Variants in PPP2R5A observed in about 807,000 individuals in gnomAD.
The protein encoded by PPP2R5A is protein phosphatase 2 regulatory subunit B'alpha, also known as serine/threonine-protein phosphatase 2A 56 kDa regulatory subunit alpha isoform.
In PPP2R5A, 25 loss-of-function variants were observed where a neutral mutation model predicts 64.2. That is an observed-to-expected ratio of 0.39 (90% CI 0.28 to 0.54). PPP2R5A has a LOEUF of 0.54. Ranked by LOEUF, PPP2R5A falls within the 20% of genes least tolerant of loss-of-function variation. PPP2R5A has a pLI of 0.67. For missense variants in PPP2R5A, 425 were observed against 576.3 expected, an observed-to-expected ratio of 0.74 and a Z score of 2.69; for synonymous variants, 198 against 201.2, an observed-to-expected ratio of 0.98 and a Z score of 0.13.
rs865848787 is a variant in PPP2R5A, at chr1:212,349,043, A to C, written c.874-146A>C. ...AGTTTCACGATTGAGGTATTTCACA[A>C]TTTCATTCACAGTTGTGAGTATATT... On this transcript the variant is annotated intron_variant, in intron 7 of 12. Transcript: ENST00000261461. The C allele has an allele frequency of 7.9e-5, 36 of 457,448 alleles. No individual in the cohort carries two copies. In the South Asian group the frequency reaches 1.5e-3, roughly 20 times the overall value. The allele number at this position is 457,448 out of a possible 1,614,324, so 28.3% of individuals were successfully genotyped here. A position where few individuals can be genotyped will look rare whatever the true frequency, so the allele number is the denominator to read the frequency against.
At chr1:212,358,457 T>A (rs1399482029) in intron 11 of PPP2R5A, 1 of 288,594 alleles carries the variant, frequency 3.5e-6, no homozygotes, top group Non-Finnish European at 6.4e-6. Flanking sequence ...AACTAGAGTT[T>A]AATGTAAGCA....
chr1:212,299,711 A>G (rs1351133040), intron 1 of PPP2R5A: 1 of 152,244 alleles, frequency 6.6e-6, no homozygotes, highest in Non-Finnish European at 1.5e-5. Context: ...CCAGTGAATG[A>G]ACCAACCTAA....
At chr1:212,335,886 T>C (rs1171555123) in intron 3 of PPP2R5A, among the ~76,000 whole-genome samples, 1 of 152,176 alleles carries the variant, frequency 6.6e-6, no homozygotes, top group South Asian at 2.1e-4. Flanking sequence ...TTGAACAGTC[T>C]GAAAAAGACC....
intron 8 of PPP2R5A, among the ~76,000 whole-genome samples, chr1:212,351,624 T>C (rs894802870): frequency 6.6e-6 from 1 of 151,910 alleles, no homozygotes; most frequent in Admixed American, 6.6e-5. Context: ...TGAGGCAGAA[T>C]TGCTTGAGGC....
chr1:212,320,815 A>T (rs1467680487), intron 1 of PPP2R5A, among the ~76,000 whole-genome samples: 1 of 105,730 alleles, frequency 9.5e-6, no homozygotes, highest in African/African-American at 3.4e-5. Flanking sequence ...CGGGGGGCTG[A>T]CCCCCCCACC....
chr1:212,300,255 A>C (rs576864043), intron 1 of PPP2R5A, among the ~76,000 whole-genome samples: 3 of 152,258 alleles, frequency 2.0e-5, no homozygotes, highest in African/African-American at 7.2e-5. Context: ...GATACTCTCT[A>C]TATATTTTTA....
intron 1 of PPP2R5A, among the ~76,000 whole-genome samples, chr1:212,287,533 G>C (rs1348756210): frequency 6.6e-6 from 1 of 152,150 alleles, no homozygotes; most frequent in African/African-American, 2.4e-5. Context: ...CTGACTCTTG[G>C]AGTGCTTCTA....
intron 1 of PPP2R5A, among the ~76,000 whole-genome samples, chr1:212,321,195 AC>A (rs1263943814): frequency 2.2e-5 from 3 of 136,160 alleles, no homozygotes; most frequent in African/African-American, 5.7e-5. Context: ...CGGGGGGCTG[AC>A]CCCCCCACAT....
intron 4 of PPP2R5A, among the ~76,000 whole-genome samples, chr1:212,342,955 CT>C (rs148263039): frequency 4.7e-5 from 7 of 148,770 alleles, no homozygotes; most frequent in African/African-American, 7.4e-5. Context: ...TTAAAGGCCT[CT>C]TTTTTTTTTG....
chr1:212,347,583 A>G (rs1459957363), intron 6 of PPP2R5A, among the ~76,000 whole-genome samples, 177 bp downstream of exon 6: 1 of 150,236 alleles, frequency 6.7e-6, no homozygotes, highest in Non-Finnish European at 1.5e-5. Context: ...CTTGTTGCCC[A>G]GGCTGGAGTG....
intron 1 of PPP2R5A, among the ~76,000 whole-genome samples, chr1:212,324,387 T>C (rs1247749031): frequency 1.3e-5 from 2 of 152,188 alleles, no homozygotes; most frequent in Non-Finnish European, 2.9e-5. Flanking sequence ...GACAAAACTT[T>C]GTTATGTGGC....
chr1:212,293,292 T>C (rs351396), intron 1 of PPP2R5A, among the ~76,000 whole-genome samples: 7,564 of 152,328 alleles, frequency 0.05, 332 homozygotes, highest in African/African-American at 0.12. Flanking sequence ...AAAGTAATAC[T>C]GGGTTGACTC....
intron 1 of PPP2R5A, among the ~76,000 whole-genome samples, chr1:212,287,412 T>G: frequency 6.6e-6 from 1 of 152,228 alleles, no homozygotes; most frequent in East Asian, 1.9e-4. Context: ...CTCATTTGTC[T>G]TTGGGCCTGT....
chr1:212,325,413 C>T (rs759141703), intron 1 of PPP2R5A, among the ~76,000 whole-genome samples: 5 of 151,978 alleles, frequency 3.3e-5, no homozygotes, highest in Non-Finnish European at 7.4e-5. Flanking sequence ...AACAAAGACA[C>T]GGCCTTCAGA....
At chr1:212,320,643 C>A (rs1659258928) in intron 1 of PPP2R5A, among the ~76,000 whole-genome samples, 1 of 145,626 alleles carries the variant, frequency 6.9e-6, no homozygotes, top group South Asian at 2.2e-4. Flanking sequence ...CTGCCTCCCT[C>A]CCCGCCTCCC....
At chr1:212,349,319 A>T in intron 8 of PPP2R5A, 77 bp downstream of exon 8, 2 of 1,093,986 alleles carry the variant, frequency 1.8e-6, no homozygotes, top group South Asian at 3.4e-5. Flanking sequence ...TATAGCCTTT[A>T]TAGTTATTAA....
chr1:212,323,434 T>G (rs1659349313), intron 1 of PPP2R5A, among the ~76,000 whole-genome samples: 1 of 152,242 alleles, frequency 6.6e-6, no homozygotes. Flanking sequence ...CAATAGACAT[T>G]ATATACTTAA....
At position 212,325,366 on chromosome 1, in the gene PPP2R5A, A is replaced by C. The variant is rs184226502; in HGVS notation, c.182-3769A>C. On this transcript the variant is annotated intron_variant, in intron 1 of 12. Transcript: ENST00000261461. ...TAGGATATGGAAAGATAGGGGAGGA[A>C]ATCTAGTGAAGTATTTCAGGTAGGG... is the stretch of plus-strand genomic sequence containing the variant. Among the ~76,000 whole-genome samples, 21 of 152,276 alleles carry C rather than the reference A, an allele frequency of 1.4e-4. No individual in the cohort carries two copies. The East Asian group carries it at 3.1e-3, about 22-fold the overall frequency.
intron 1 of PPP2R5A, among the ~76,000 whole-genome samples, chr1:212,293,691 G>A (rs1025638405): frequency 9.9e-5 from 15 of 151,708 alleles, no homozygotes; most frequent in African/African-American, 3.4e-4. Context: ...GAAACATACT[G>A]GAATTTTTTT....
Sources: allele counts gnomAD v4.1 joint callset (sites outside exome capture counted in the v4.1 genomes callset), GRCh38; gene constraint gnomAD v4.1.1; transcripts MANE v1.5; gene names NCBI Gene and HGNC (gene_info 2026-07-23, HGNC 2026-07-21).